PLEC: variants seen among roughly 807,000 people sequenced by gnomAD.
The protein encoded by PLEC is hemidesmosomal protein 1.
A neutral mutation model predicts 392.8 loss-of-function variants in PLEC; 216 were observed. The observed-to-expected ratio is 0.55, with a 90% confidence interval of 0.49 to 0.62. The LOEUF is 0.62. Ranked by LOEUF, PLEC falls within the 20% of genes least tolerant of loss-of-function variation. The pLI is 0.00. For missense variants in PLEC, 6,863 were observed against 6,563.4 expected, an observed-to-expected ratio of 1.05 and a Z score of -1.58; for synonymous variants, 3,621 against 2,980.6, an observed-to-expected ratio of 1.21 and a Z score of -7.00.
chr8:143,917,956 C>T lies in PLEC; in HGVS notation c.11865G>A (p.Lys3955=), dbSNP rs2857819. ...ERLSVYQAMK[K]GIIRPGTAFE... is the part of the protein sequence containing the mutation. ...AGGCTGTGCCGGGGCGGATGATGCC[C>T]TTCTTCATGGCCTGGTACACCGAGA... The change falls in exon 32 of 32, where the codon AAG becomes AAA. Residue 3955 remains lysine (K), a synonymous_variant. Coordinates refer to ENST00000345136, the MANE Select transcript of PLEC (RefSeq NM_201384.3). The T allele has an allele frequency of 6.2e-7, 1 of 1,613,026 alleles. No homozygotes were observed. Among genetic ancestry groups the T allele is most frequent in the South Asian group, 1.1e-5 (1 of 91,080 alleles).
chr8:143,956,925 G>C (rs1341455145), upstream of PLEC, among the ~76,000 whole-genome samples: 1 of 152,252 alleles, frequency 6.6e-6, no homozygotes. Context: ...TCCCGGCACA[G>C]GCTTCCCAAA....
chr8:143,949,264 A>G (rs369842905), intron 1 of PLEC, among the ~76,000 whole-genome samples: 4 of 152,290 alleles, frequency 2.6e-5, no homozygotes, highest in African/African-American at 9.6e-5. Context: ...AGCCTGAGAG[A>G]GCAAGCTGCT....
chr8:143,965,450 G>A (rs200902299), intron 1 of PLEC, among the ~76,000 whole-genome samples: 1 of 82,890 alleles, frequency 1.2e-5, no homozygotes, highest in East Asian at 2.4e-4. Flanking sequence ...CAGATGACCC[G>A]GCCCATGCCC....
In PLEC at chr8:143,919,600, C is replaced by G; in HGVS notation, c.10221G>C (p.Leu3407=). 4 of 1,593,958 alleles carry G rather than the reference C, an allele frequency of 2.5e-6. No homozygotes were observed. The highest frequency in any genetic ancestry group is 2.2e-5 in the East Asian group (1 of 44,706). ...FLVDPVRNQR[L]YVHEAVKAGV... is the part of the protein sequence containing the mutation. ...CCGCCTTCACGGCCTCGTGGACATA[C>G]AGGCGCTGGTTCCGCACGGGGTCCA... Residue 3407 remains leucine, a synonymous_variant, in exon 32 of 32, where the codon CTG becomes CTC. Transcript: ENST00000345136.
chr8:143,935,379 T>A, intron 6 of PLEC, 66 bp from the exon 7 acceptor site: 1 of 1,105,288 alleles, frequency 9.0e-7, no homozygotes, highest in Non-Finnish European at 1.3e-6. Context: ...CACAGGCGGG[T>A]GCACAGGCCG....
rs1346306807 is a variant in PLEC at position 143,922,189 on chromosome 8, T to C, written c.7632A>G (p.Glu2544=). 10 of 1,548,152 alleles carry C rather than the reference T, an allele frequency of 6.5e-6. No homozygotes were observed. The highest frequency in any genetic ancestry group is 6.9e-6 in the Non-Finnish European group (8 of 1,151,104). ...QQRQQQQMEQ[E]RQRLVASMEE... ...CCATGCTGGCCACCAGCCGCTGCCG[T>C]TCCTGCTCCATCTGCTGCTGCTGCC... Residue 2544 remains glutamate (E), a synonymous_variant, in exon 32 of 32, where the codon GAA becomes GAG. Coordinates refer to ENST00000345136, the MANE Select transcript of PLEC (RefSeq NM_201384.3).
rs375857355 is a variant in PLEC at position 143,932,450 on chromosome 8, C to G, written c.1927G>C (p.Asp643His). ...ATGTTGGTGTTGCGGTCGCTCCAGT[C>G]GAAGCCCACCTCCTCCTCCTCCTTC... ...NEKEEEEVGF[D>H]WSDRNTNMTA... Residue 643 changes from aspartate to histidine, a missense_variant, in exon 16 of 32, where the codon GAC becomes CAC. By Grantham distance (81) the Asp-to-His change is moderately conservative. Coordinates refer to ENST00000345136, the MANE Select transcript of PLEC (RefSeq NM_201384.3). 7 of 1,612,842 alleles carry G rather than the reference C, an allele frequency of 4.3e-6. No individual in the cohort carries two copies. Among genetic ancestry groups the G allele is most frequent in the Non-Finnish European group, 5.9e-6 (7 of 1,179,988 alleles).
rs782555054 is a variant in PLEC at position 143,925,280 on chromosome 8, C to T, written c.4649G>A (p.Arg1550Gln). 5.3e-5 allele frequency: 83 copies of T among 1,578,496 alleles called. 3 individuals carry two copies. In the South Asian group the frequency reaches 6.0e-4, roughly 11 times the overall value. Residue 1550 changes from arginine to glutamine, a missense_variant, in exon 31 of 32, where the codon CGG becomes CAG. Physicochemically the swap from Arg to Gln is conservative, Grantham distance 43 (BLOSUM62 1). Transcript: ENST00000345136. ...CTCCACCTCGGCCTGCCGCAGGCGC[C>T]GCTCCGCCTCCTCCGCCTGCAGCCG... ...ELRLQAEEAE[R>Q]RLRQAEVERA... is the part of the protein sequence containing the mutation.
At chr8:143,961,477 G>GC (rs1832870741) in intron 1 of PLEC, among the ~76,000 whole-genome samples, 1 of 152,098 alleles carries the variant, frequency 6.6e-6, no homozygotes, top group African/African-American at 2.4e-5. Flanking sequence ...GCCCAACTCG[G>GC]CCCCCCAAAG....
At chr8:143,943,385 C>G (rs1192125788), upstream of PLEC, among the ~76,000 whole-genome samples, 2 of 152,230 alleles carry the variant, frequency 1.3e-5, no homozygotes, top group Non-Finnish European at 2.9e-5. Flanking sequence ...ATGAGGGCAC[C>G]TGCCTCACCT....
Position 143,930,540 on chromosome 8 carries a change from TG to T in PLEC, c.2305-5del. On this transcript the variant is annotated splice_region_variant and splice_polypyrimidine_tract_variant and intron_variant, in intron 19 of 31. Coordinates refer to ENST00000345136, the MANE Select transcript of PLEC (RefSeq NM_201384.3). ...CGTTCAGCTGTTCCTTCTCGTCCTG[TG>T]GGGGAGGGGCAGCATCCAGACGAGG... 1 of 1,584,616 alleles carries T rather than the reference TG, an allele frequency of 6.3e-7. No homozygotes were observed. The highest frequency in any genetic ancestry group is 2.3e-5 in the East Asian group (1 of 43,116).
At chr8:143,955,282 G>C (rs1209594612), upstream of PLEC, among the ~76,000 whole-genome samples, 1 of 152,198 alleles carries the variant, frequency 6.6e-6, no homozygotes, top group Non-Finnish European at 1.5e-5. Context: ...TTTGAGACCA[G>C]CCTGGCCAAC....
intron 1 of PLEC, among the ~76,000 whole-genome samples, chr8:143,960,998 G>A (rs1381987987): frequency 1.3e-5 from 2 of 152,192 alleles, no homozygotes; most frequent in African/African-American, 4.8e-5. Flanking sequence ...CATGCAGAGC[G>A]GCACGTGTGG....
chr8:143,941,549 C>T (rs1228422201), upstream of PLEC, among the ~76,000 whole-genome samples: 1 of 152,012 alleles, frequency 6.6e-6, no homozygotes, highest in Non-Finnish European at 1.5e-5. Context: ...ACCAGGTGGG[C>T]TGGGGGCTCG....
chr8:143,936,141 G>T, intron 5 of PLEC, 127 bp from the exon 6 acceptor site: 1 of 1,005,246 alleles, frequency 9.9e-7, no homozygotes, highest in Non-Finnish European at 1.5e-6. Context: ...CACCAAACCA[G>T]CCAGGGCAGC....
In PLEC at chr8:143,924,119, G is replaced by A. The variant is rs782698507; in HGVS notation, c.5810C>T (p.Ala1937Val). ...ILALKASFEKAAAGKAELELE... is the reference protein window; with the variant it reads ...ILALKASFEKVAAGKAELELE... ...CTCCAGCTCCGCCTTGCCAGCGGCC[G>A]CCTTCTCGAAGCTCGCCTTCAGCGC... Residue 1937 changes from alanine to valine, a missense_variant, in exon 31 of 32, where the codon GCG becomes GTG. Physicochemically the swap from Ala to Val is moderately conservative, Grantham distance 64. Transcript: ENST00000345136. 1.6e-5 allele frequency: 25 copies of A among 1,598,584 alleles called. No individual in the cohort carries two copies. Among genetic ancestry groups the A allele is most frequent in the Admixed American group, 3.3e-5 (2 of 59,932 alleles).
chr8:143,975,255 T>C (rs782817219), upstream of PLEC: 24 of 1,608,272 alleles, frequency 1.5e-5, no homozygotes, highest in East Asian at 4.9e-4. The surrounding 1 kb of genome is among the most constrained non-coding windows in gnomAD (Gnocchi z 9.9). Flanking sequence ...CTGCGCCGGC[T>C]CCGCTGCGTT....
chr8:143,939,631 C>T, upstream of PLEC: 4 of 1,429,074 alleles, frequency 2.8e-6, no homozygotes, highest in Non-Finnish European at 3.7e-6. Flanking sequence ...TGCTGTACTC[C>T]CCGGCGAGGC....
In PLEC at chr8:143,930,040, G is replaced by C; in HGVS notation, c.2635C>G (p.Leu879Val). ...VTRLEAQHQA[L>V]VTLWHQLHVD... ...TGCAACTGGTGCCACAGCGTGACCAGGGCCTGGTGCTGGGCCTCCAGCCTG... is the reference window on the plus strand; with the variant it reads ...TGCAACTGGTGCCACAGCGTGACCACGGCCTGGTGCTGGGCCTCCAGCCTG... The change falls in exon 22 of 32, where the codon CTG becomes GTG. Residue 879 changes from leucine to valine, a missense_variant. Transcript: ENST00000345136. 1 of 1,611,804 alleles carries C rather than the reference G, an allele frequency of 6.2e-7. No individual in the cohort carries two copies. The highest frequency in any genetic ancestry group is 8.5e-7 in the Non-Finnish European group (1 of 1,179,798).
Sources: allele counts gnomAD v4.1 joint callset (sites outside exome capture counted in the v4.1 genomes callset), GRCh38; gene constraint gnomAD v4.1.1; non-coding constraint Gnocchi (gnomAD v3.1); transcripts MANE v1.5; gene names NCBI Gene and HGNC (gene_info 2026-07-23, HGNC 2026-07-21).